The following LNP1 variants were observed in gnomAD, a reference collection of about 807,000 sequenced individuals.
LNP1 encodes the protein leukemia NUP98 fusion partner 1.
Under a neutral mutation model 14.5 loss-of-function variants are expected in LNP1, and 12 were observed. The observed-to-expected ratio is 0.83, with a 90% confidence interval of 0.53 to 1.34. The LOEUF is 1.34. LNP1 is among the 40% of genes most tolerant of loss of function. The probability of loss-of-function intolerance (pLI) is 0.00; values close to 1 mark genes in which losing one functional copy is unlikely to be tolerated. For synonymous variants in LNP1, 75 were observed against 71.4 expected (o/e 1.05, Z -0.26); for missense variants, 198 against 210.9 (o/e 0.94, Z 0.38).
chr3:100,405,970 T>G (rs1451480844), intron 1 of LNP1, among the ~76,000 whole-genome samples: 2 of 152,148 alleles, frequency 1.3e-5, no homozygotes, highest in Non-Finnish European at 2.9e-5. Flanking sequence ...GTCTACGATA[T>G]TAGCACCTAG....
intron 2 of LNP1, among the ~76,000 whole-genome samples, chr3:100,436,228 G>T (rs558440901): frequency 1.3e-5 from 2 of 152,088 alleles, no homozygotes; most frequent in Non-Finnish European, 2.9e-5. Flanking sequence ...GTATCTTATT[G>T]CCACAAAGGC....
chr3:100,409,606 A>ATATT (rs1429906485), intron 1 of LNP1, among the ~76,000 whole-genome samples: 1 of 124,436 alleles, frequency 8.0e-6, no homozygotes, highest in Admixed American at 8.6e-5. Context: ...ATATATATAT[A>ATATT]TTTTTTTTTT....
At chr3:100,411,463 G>C (rs1707031574) in intron 1 of LNP1, among the ~76,000 whole-genome samples, 1 of 152,216 alleles carries the variant, frequency 6.6e-6, no homozygotes, top group Non-Finnish European at 1.5e-5. Flanking sequence ...TATGTAAGAA[G>C]GGCATGAATT....
At chr3:100,452,628 C>G (rs111357330) in intron 3 of LNP1, among the ~76,000 whole-genome samples, 1 of 151,978 alleles carries the variant, frequency 6.6e-6, no homozygotes, top group Non-Finnish European at 1.5e-5. Flanking sequence ...CATATTTAAT[C>G]CTCTAGCAAA....
chr3:100,421,271 C>T (rs1432792389), intron 1 of LNP1, among the ~76,000 whole-genome samples: 2 of 152,212 alleles, frequency 1.3e-5, no homozygotes, highest in Admixed American at 6.5e-5. Context: ...ATGTGGGTCT[C>T]TTTCTTGATT....
intron 2 of LNP1, among the ~76,000 whole-genome samples, chr3:100,438,361 A>G (rs1010174226): frequency 2.0e-5 from 3 of 152,180 alleles, no homozygotes; most frequent in Non-Finnish European, 4.4e-5. Flanking sequence ...GAAGGTACAG[A>G]GATTTTCCAT....
At chr3:100,450,359 G>C (rs1045249599) in intron 2 of LNP1, among the ~76,000 whole-genome samples, 1 of 145,986 alleles carries the variant, frequency 6.8e-6, no homozygotes, top group Non-Finnish European at 1.5e-5. Context: ...TTGAGACGAA[G>C]TTTCACTCTT....
intron 1 of LNP1, among the ~76,000 whole-genome samples, chr3:100,415,211 A>G (rs940226896): frequency 6.6e-6 from 1 of 152,346 alleles, no homozygotes; most frequent in South Asian, 2.1e-4. Context: ...AAGATAAGAC[A>G]TACTGGGAAA....
intron 1 of LNP1, among the ~76,000 whole-genome samples, chr3:100,402,644 T>A (rs939928572): frequency 3.4e-5 from 4 of 116,830 alleles, no homozygotes; most frequent in African/African-American, 1.6e-4. Flanking sequence ...CAAGTTAGGA[T>A]TTTTTTTTTT....
At position 100,434,743 on chromosome 3, in the gene LNP1, G is replaced by A. The variant is rs367807428; in HGVS notation, c.156+4858G>A. On this transcript the variant is annotated intron_variant, in intron 2 of 3. Transcript: ENST00000383693. ...GGAATTTCACCATGTTAGCCTGGCT[G>A]GTCTTGAACTCCTGACCTCAGGTGA... 6.0e-4 allele frequency among the ~76,000 whole-genome samples: 91 copies of A among 151,548 alleles called. 1 individual carries two copies. The Middle Eastern group carries it at 0.024, about 40-fold the overall frequency.
chr3:100,425,506 G>A lies in LNP1; in HGVS notation c.-33-4191G>A, dbSNP rs1402604991. ...AAGGGATCACTGGTGTTCAGGAGCA[G>A]TTCTGAAAAACAGATCATTAATGCC... On this transcript the variant is annotated intron_variant, in intron 1 of 3. Transcript: ENST00000383693. Among the ~76,000 whole-genome samples the A allele has an allele frequency of 5.3e-5, 8 of 152,272 alleles. No individual in the cohort carries two copies. In the South Asian group the frequency reaches 8.3e-4, roughly 16 times the overall value.
chr3:100,410,510 A>G (rs1408130549), intron 1 of LNP1, among the ~76,000 whole-genome samples: 1 of 152,192 alleles, frequency 6.6e-6, no homozygotes, highest in Admixed American at 6.5e-5. Context: ...TAAGTAAAGT[A>G]TCAAAGGTAC....
intron 1 of LNP1, among the ~76,000 whole-genome samples, chr3:100,409,955 A>ACATC (rs1325947049): frequency 8.0e-5 from 11 of 137,168 alleles, no homozygotes; most frequent in Admixed American, 1.5e-4. Context: ...TACATAGCTT[A>ACATC]CATCTATCTA....
chr3:100,433,335 T>C (rs1707259811), intron 2 of LNP1, among the ~76,000 whole-genome samples: 1 of 152,234 alleles, frequency 6.6e-6, no homozygotes, highest in South Asian at 2.1e-4. Context: ...TTTCTGTTCC[T>C]GTGTTAGTTT....
intron 2 of LNP1, among the ~76,000 whole-genome samples, chr3:100,436,090 C>T (rs898183228): frequency 4.6e-5 from 7 of 152,066 alleles, no homozygotes; most frequent in South Asian, 2.1e-4. Context: ...ATGTCAGGGC[C>T]GGTGCTTGTT....
intron 1 of LNP1, among the ~76,000 whole-genome samples, chr3:100,418,619 T>G (rs1172109869): frequency 1.2e-4 from 19 of 152,212 alleles, no homozygotes; most frequent in Non-Finnish European, 8.8e-5. Flanking sequence ...TTCTGTTGTG[T>G]TTGTATAGTG....
At chr3:100,410,697 T>C (rs189023427) in intron 1 of LNP1, among the ~76,000 whole-genome samples, 1 of 152,314 alleles carries the variant, frequency 6.6e-6, no homozygotes, top group Non-Finnish European at 1.5e-5. Context: ...GAAACACTGC[T>C]GGCTGAGACT....
intron 1 of LNP1, among the ~76,000 whole-genome samples, chr3:100,413,596 C>T (rs1707050740): frequency 6.6e-6 from 1 of 152,156 alleles, no homozygotes; most frequent in Non-Finnish European, 1.5e-5. Context: ...GAATTTGTGT[C>T]ATTTGTAAAT....
Position 100,417,371 on chromosome 3 carries a change from CTTTTTTTT to C in LNP1, c.-33-12311_-33-12304del, listed in dbSNP as rs562000656. Reference sequence around the variant, plus strand: ...CTTTTTCTTTCTTTCTTTCTTTTTTCTTTTTTTTTTTTTTTTTTTTTTCGAGACAGGAT... The same window carrying C: ...CTTTTTCTTTCTTTCTTTCTTTTTTCTTTTTTTTTTTTTTCGAGACAGGAT... On this transcript the variant is annotated intron_variant, in intron 1 of 3. Transcript: ENST00000383693. Among the ~76,000 whole-genome samples the C allele has an allele frequency of 9.3e-5, 6 of 64,626 alleles. No homozygotes were observed. In the East Asian group the frequency reaches 1.5e-3, roughly 17 times the overall value. The allele number at this position is 64,626 out of a possible 152,430, so 42.4% of individuals were successfully genotyped here.
Sources: allele counts gnomAD v4.1 joint callset (sites outside exome capture counted in the v4.1 genomes callset), GRCh38; gene constraint gnomAD v4.1.1; transcripts MANE v1.5; gene names NCBI Gene and HGNC (gene_info 2026-07-23, HGNC 2026-07-21).